Variants in SIDT2 observed in about 807,000 individuals in gnomAD.
SIDT2 encodes the protein SID1 transmembrane family member 2.
In SIDT2, 68 loss-of-function variants were observed where a neutral mutation model predicts 114.4. The ratio of observed to expected loss-of-function variants is 0.59; its 90% CI spans 0.49 to 0.73. The LOEUF (loss-of-function observed/expected upper bound fraction) is 0.73. Ranked by LOEUF, SIDT2 falls within the 30% of genes least tolerant of loss-of-function variation. SIDT2 has a pLI of 0.00. For synonymous variants in SIDT2, 470 were observed against 438.4 expected, an observed-to-expected ratio of 1.07 and a Z score of -0.90; for missense variants, 918 against 1,097.1, an observed-to-expected ratio of 0.84 and a Z score of 2.31.
Position 117,189,237 on chromosome 11 carries a change from C to T in SIDT2, c.1347C>T (p.Tyr449=). 1 of 1,614,024 alleles carries T rather than the reference C, an allele frequency of 6.2e-7. No homozygotes were observed. ...KRVLRKKYQI[Y]FWNIATIAVF... is the part of the protein sequence containing the mutation. The stretch of plus-strand genomic sequence containing the variant: ...TTCTGCGGAAAAAGTACCAGATCTA[C>T]TTCTGGTGAGTGGGCTGAGTGTCTG... Residue 449 remains tyrosine, a synonymous_variant, in exon 14 of 26, where the codon TAC becomes TAT. Coordinates refer to ENST00000324225, the MANE Select transcript of SIDT2 (RefSeq NM_001040455.2).
chr11:117,195,949 C>T lies in SIDT2; in HGVS notation c.2436+34C>T, dbSNP rs774837075. On this transcript the variant is annotated intron_variant, in intron 25 of 25. Coordinates refer to ENST00000324225, the MANE Select transcript of SIDT2 (RefSeq NM_001040455.2). Reference sequence around the variant, plus strand: ...GCCTCCCGGCCGAGCCGGGTGGGTACGTGAAGGTAGCAGCTGCCTCCTTCT... The same window carrying T: ...GCCTCCCGGCCGAGCCGGGTGGGTATGTGAAGGTAGCAGCTGCCTCCTTCT... 295 of 1,614,090 alleles carry T rather than the reference C, an allele frequency of 1.8e-4. 2 individuals carry two copies. The Admixed American group carries it at 4.6e-3, about 25-fold the overall frequency.
At chr11:117,187,015 G>T in intron 10 of SIDT2, 8 of 1,451,376 alleles carry the variant, frequency 5.5e-6, no homozygotes, top group Non-Finnish European at 7.3e-6. Flanking sequence ...AGCTCCAGGT[G>T]CTGTGGGCAG....
chr11:117,189,229 C>T lies in SIDT2; in HGVS notation c.1339C>T (p.Gln447Ter). Residue 447 changes from glutamine to a stop codon, truncating the protein, a stop_gained, in exon 14 of 26, where the codon CAG becomes TAG. Transcript: ENST00000324225. LOFTEE classifies it high-confidence loss of function. Reference protein sequence around the residue: ...KDKRVLRKKYQIYFWNIATIA... With the variant: ...KDKRVLRKKY ...CAAGCGTGTTCTGCGGAAAAAGTAC[C>T]AGATCTACTTCTGGTGAGTGGGCTG... is the stretch of plus-strand genomic sequence containing the variant. 6.2e-7 allele frequency: 1 copy of T among 1,614,228 alleles called. No individual in the cohort carries two copies. The highest frequency in any genetic ancestry group is 8.5e-7 in the Non-Finnish European group (1 of 1,180,036).
rs755020494 is a variant in SIDT2 at position 117,188,722 on chromosome 11, C to A, written c.1174C>A (p.Pro392Thr). 8.7e-6 allele frequency: 14 copies of A among 1,613,952 alleles called. No individual in the cohort carries two copies. Among genetic ancestry groups the A allele is most frequent in the African/African-American group, 1.3e-5 (1 of 74,926 alleles). Reference protein sequence around the residue: ...SYGYQGRSFEPVGTRPRVDSM... With the variant: ...SYGYQGRSFETVGTRPRVDSM... The stretch of plus-strand genomic sequence containing the variant: ...GCCCTTTCCAGGCCGCTCCTTTGAA[C>A]CTGTAGGTACTCGGCCCCGAGTGGA... Residue 392 changes from proline (P) to threonine (T), a missense_variant, in exon 13 of 26, where the codon CCT (proline) becomes ACT (threonine). Physicochemically the swap from Pro to Thr is conservative, Grantham distance 38. Coordinates refer to ENST00000324225, the MANE Select transcript of SIDT2 (RefSeq NM_001040455.2). This position sits in a 1 kb window ranked among gnomAD's most constrained non-coding sequence, Gnocchi z 4.0.
chr11:117,179,482 G>T, intron 1 of SIDT2, 36 bp downstream of exon 1: 1 of 1,590,508 alleles, frequency 6.3e-7, no homozygotes, highest in South Asian at 1.1e-5. Flanking sequence ...GAGGCGAGTG[G>T]GGAAGCCGAC....
chr11:117,184,812 G>A (rs1165403147), intron 8 of SIDT2, among the ~76,000 whole-genome samples: 10 of 152,056 alleles, frequency 6.6e-5, no homozygotes, highest in Non-Finnish European at 7.4e-5. Flanking sequence ...TGCAATCTCC[G>A]CCTCCCGGGT....
intron 1 of SIDT2, 153 bp downstream of exon 1, chr11:117,179,599 G>A: frequency 1.4e-6 from 1 of 701,914 alleles, no homozygotes; most frequent in East Asian, 2.9e-5. Flanking sequence ...CTCTTGACCA[G>A]TCCTCCTTCC....
intron 9 of SIDT2, 28 bp from the exon 10 acceptor site, chr11:117,186,555 TG>T: frequency 1.3e-6 from 2 of 1,539,554 alleles, no homozygotes; most frequent in South Asian, 1.3e-5. Flanking sequence ...CTGTCCCATC[TG>T]GGTGGCCTGT....
chr11:117,187,137 T>C lies in SIDT2; in HGVS notation c.1016-241T>C. 2.4e-6 allele frequency: 3 copies of C among 1,249,482 alleles called. No individual in the cohort carries two copies. The South Asian group carries it at 3.9e-5, about 16-fold the overall frequency. The allele number at this position is 1,249,482 out of a possible 1,614,324, so 77.4% of individuals were successfully genotyped here. A position where few individuals can be genotyped will look rare whatever the true frequency, so the allele number is the denominator to read the frequency against. On this transcript the variant is annotated intron_variant, in intron 10 of 25. Coordinates refer to ENST00000324225, the MANE Select transcript of SIDT2 (RefSeq NM_001040455.2). ...CTGGTAACTTAGATGTGCCTGTTCT[T>C]GAACTTTCTCTCTCCTTAGGGAAGA...
intron 12 of SIDT2, 181 bp downstream of exon 12, chr11:117,187,880 T>G: frequency 1.4e-6 from 1 of 718,826 alleles, no homozygotes; most frequent in Non-Finnish European, 2.5e-6. Flanking sequence ...TAACTTTCCC[T>G]TTCCTTTGAA....
At chr11:117,183,190 G>A (rs992072736) in intron 6 of SIDT2, among the ~76,000 whole-genome samples, 5 of 146,798 alleles carry the variant, frequency 3.4e-5, no homozygotes, top group East Asian at 4.1e-4. Flanking sequence ...CTAAAAATAC[G>A]AAAAATTAGC....
At chr11:117,180,805 C>T (rs916749028) in intron 1 of SIDT2, among the ~76,000 whole-genome samples, 3 of 152,102 alleles carry the variant, frequency 2.0e-5, no homozygotes, top group African/African-American at 7.2e-5. Flanking sequence ...CAAAGTGCTA[C>T]AAGCGTGAGT....
At position 117,191,994 on chromosome 11, in the gene SIDT2, T is replaced by A. The variant is rs376664216; in HGVS notation, c.1852T>A (p.Phe618Ile). Residue 618 changes from phenylalanine to isoleucine, a missense_variant, in exon 19 of 26, where the codon TTC becomes ATC. Physicochemically the swap from Phe to Ile is conservative, Grantham distance 21. This residue lies in a region of SIDT2 where 275 missense variants were observed against 397.6 expected (regional missense o/e 0.69). Transcript: ENST00000324225. ...CTACGCCTGCCTGGCCATTGTCATC[T>A]TCTTCTCTGTGCTGGGCGTGGTGAG... Reference protein sequence around the residue: ...SAYACLAIVIFFSVLGVVFGK... With the variant: ...SAYACLAIVIIFSVLGVVFGK... The A allele has an allele frequency of 7.4e-6, 12 of 1,614,028 alleles. No individual in the cohort carries two copies. Among genetic ancestry groups the A allele is most frequent in the South Asian group, 5.5e-5 (5 of 91,086 alleles).
In SIDT2 at chr11:117,192,140, C is replaced by T; in HGVS notation, c.1873-114C>T. 1.3e-6 allele frequency: 2 copies of T among 1,538,108 alleles called. No homozygotes were observed. Among genetic ancestry groups the T allele is most frequent in the Non-Finnish European group, 1.8e-6 (2 of 1,124,108 alleles). On this transcript the variant is annotated intron_variant, in intron 19 of 25. Transcript: ENST00000324225. This position sits in a 1 kb window ranked among gnomAD's most constrained non-coding sequence, Gnocchi z 5.9. ...TCCTGCTCCTTCCCTGAGATGCCTTCCTGGGCCCCTCTCAGAGTCCCAGCC... is the reference window on the plus strand; with the variant it reads ...TCCTGCTCCTTCCCTGAGATGCCTTTCTGGGCCCCTCTCAGAGTCCCAGCC...
chr11:117,189,802 CAGAA>C (rs2030635126), intron 15 of SIDT2, 146 bp from the exon 16 acceptor site: 2 of 695,076 alleles, frequency 2.9e-6, no homozygotes, highest in Non-Finnish European at 5.1e-6. Context: ...TCCATGTTCT[CAGAA>C]GGAACACGTG....
chr11:117,189,958 A>C lies in SIDT2; in HGVS notation c.1426A>C (p.Asn476His). Residue 476 changes from asparagine to histidine, a missense_variant, in exon 16 of 26, where the codon AAT (asparagine) becomes CAT (histidine). Asn to His is a moderately conservative substitution (Grantham distance 68). Coordinates refer to ENST00000324225, the MANE Select transcript of SIDT2 (RefSeq NM_001040455.2). The stretch of plus-strand genomic sequence containing the variant: ...GTCCCTGCTCCTGCTACAGGTGGTG[A>C]ATGTCACAGGGAATCAGGACATCTG... ...QLVITYQTVVNVTGNQDICYY... is the reference protein window; with the variant it reads ...QLVITYQTVVHVTGNQDICYY... 1 of 1,614,098 alleles carries C rather than the reference A, an allele frequency of 6.2e-7. No homozygotes were observed. Among genetic ancestry groups the C allele is most frequent in the Non-Finnish European group, 8.5e-7 (1 of 1,179,994 alleles).
Position 117,179,516 on chromosome 11 carries a change from C to T in SIDT2, c.183+70C>T. 2.0e-6 allele frequency: 3 copies of T among 1,520,352 alleles called. 1 individual carries two copies. The South Asian group carries it at 3.7e-5, about 19-fold the overall frequency. 94.2% of individuals were successfully genotyped at this position (1,520,352 alleles called of 1,614,324 possible). A position where few individuals can be genotyped will look rare whatever the true frequency, so the allele number is the denominator to read the frequency against. On this transcript the variant is annotated intron_variant, in intron 1 of 25. Coordinates refer to ENST00000324225, the MANE Select transcript of SIDT2 (RefSeq NM_001040455.2). ...ACGAGGGCTAGGCGATTCTGCCGCC[C>T]CGCTACCCTTTTGGGAGGCCCCAGG...
At position 117,186,182 on chromosome 11, in the gene SIDT2, T is replaced by G; in HGVS notation, c.921T>G (p.Phe307Leu). The change falls in exon 9 of 26, where the codon TTT becomes TTG. Residue 307 changes from phenylalanine to leucine, a missense_variant. Transcript: ENST00000324225. ...TTTGCCTGGGTATATTTCTCTCCTT[T>G]TACCTGCTGACCGTCCTCCTGGCCT... ...MLFCLGIFLSFYLLTVLLACW... is the reference protein window; with the variant it reads ...MLFCLGIFLSLYLLTVLLACW... The G allele has an allele frequency of 6.2e-7, 1 of 1,614,110 alleles. No individual in the cohort carries two copies. Among genetic ancestry groups the G allele is most frequent in the Non-Finnish European group, 8.5e-7 (1 of 1,180,006 alleles).
Position 117,191,896 on chromosome 11 carries a change from T to C in SIDT2, c.1754T>C (p.Met585Thr), listed in dbSNP as rs766311715. ...NFQFDTSFMY[M>T]IAGLCMLKLY... ...ATCCTAGACACATCGTTCATGTACA[T>C]GATCGCCGGACTCTGCATGCTGAAG... The change falls in exon 19 of 26, where the codon ATG becomes ACG. Residue 585 changes from methionine to threonine, a missense_variant. Coordinates refer to ENST00000324225, the MANE Select transcript of SIDT2 (RefSeq NM_001040455.2). The C allele has an allele frequency of 5.6e-6, 9 of 1,614,010 alleles. No individual in the cohort carries two copies. Among genetic ancestry groups the C allele is most frequent in the Admixed American group, 1.7e-5 (1 of 59,992 alleles).
Sources: allele counts gnomAD v4.1 joint callset (sites outside exome capture counted in the v4.1 genomes callset), GRCh38; gene constraint gnomAD v4.1.1; regional missense constraint gnomAD v4.1.1; non-coding constraint Gnocchi (gnomAD v3.1); transcripts MANE v1.5; gene names NCBI Gene and HGNC (gene_info 2026-07-23, HGNC 2026-07-21).